The following GPAT3 variants were observed in gnomAD, a reference collection of about 807,000 sequenced individuals.
GPAT3 encodes the protein glycerol-3-phosphate acyltransferase 3.
A neutral mutation model predicts 58.8 loss-of-function variants in GPAT3; 53 were observed. The ratio of observed to expected loss-of-function variants is 0.90; its 90% CI spans 0.72 to 1.13. GPAT3 has a LOEUF of 1.13. Ranked by LOEUF, GPAT3 falls within the 50% of genes most tolerant of loss-of-function variation. The pLI is 0.00. For synonymous variants in GPAT3, 197 were observed against 187.4 expected, an observed-to-expected ratio of 1.05 and a Z score of -0.42; for missense variants, 511 against 527.6, an observed-to-expected ratio of 0.97 and a Z score of 0.31.
At chr4:83,584,786 G>A (rs531487039) in intron 3 of GPAT3, among the ~76,000 whole-genome samples, 3 of 152,330 alleles carry the variant, frequency 2.0e-5, no homozygotes, top group Middle Eastern at 3.4e-3. Flanking sequence ...GATTACAGGC[G>A]TGAGCCAGTG....
At chr4:83,554,725 G>A (rs1471675811) in intron 2 of GPAT3, among the ~76,000 whole-genome samples, 1 of 151,332 alleles carries the variant, frequency 6.6e-6, no homozygotes, top group Admixed American at 6.6e-5. Context: ...AGCTCCTCTG[G>A]TCCATACTTT....
rs73830724 is a variant in GPAT3 at position 83,596,756 on chromosome 4, T to C, written c.855-102T>C. The C allele has an allele frequency of 3.6e-4, 319 of 877,414 alleles. No homozygotes were observed. The African/African-American group carries it at 5.1e-3, about 14-fold the overall frequency. The allele number at this position is 877,414 out of a possible 1,614,324, so 54.4% of individuals were successfully genotyped here. A position where few individuals can be genotyped will look rare whatever the true frequency, so the allele number is the denominator to read the frequency against. ...TACCTGTATCTCAATTATTTTCTCC[T>C]TATTGCTTCACAATTGTGCCAGTAA... On this transcript the variant is annotated intron_variant, in intron 7 of 11. Coordinates refer to ENST00000264409, the MANE Select transcript of GPAT3 (RefSeq NM_032717.5).
At chr4:83,541,738 C>A (rs1329767641) in intron 1 of GPAT3, among the ~76,000 whole-genome samples, 2 of 152,182 alleles carry the variant, frequency 1.3e-5, no homozygotes, top group African/African-American at 2.4e-5. Context: ...GCCTAAACAA[C>A]AGAAATTTAT....
At chr4:83,565,890 G>A (rs1216462191) in intron 2 of GPAT3, among the ~76,000 whole-genome samples, 1 of 152,194 alleles carries the variant, frequency 6.6e-6, no homozygotes, top group African/African-American at 2.4e-5. Context: ...TGAAGAAAAG[G>A]ATTCATCAGT....
chr4:83,535,773 G>A (rs1436290363), upstream of GPAT3: 1 of 985,468 alleles, frequency 1.0e-6, no homozygotes, highest in Non-Finnish European at 1.2e-6. Context: ...CGGCGTACAC[G>A]GCTGCGTGGT....
At chr4:83,560,216 C>G (rs1323695795) in intron 2 of GPAT3, among the ~76,000 whole-genome samples, 1 of 152,134 alleles carries the variant, frequency 6.6e-6, no homozygotes, top group Admixed American at 6.6e-5. Context: ...CCTCAGGGAG[C>G]AAACCAGTAG....
At chr4:83,548,259 C>T (rs1724619893) in intron 2 of GPAT3, among the ~76,000 whole-genome samples, 1 of 151,976 alleles carries the variant, frequency 6.6e-6, no homozygotes, top group Non-Finnish European at 1.5e-5. Context: ...CTCCTTGGAC[C>T]CTGGGACTTG....
intron 1 of GPAT3, among the ~76,000 whole-genome samples, chr4:83,541,880 C>T (rs892782647): frequency 6.6e-6 from 1 of 152,228 alleles, no homozygotes; most frequent in African/African-American, 2.4e-5. Flanking sequence ...TCACGTGGCC[C>T]TTTCTCTCTG....
chr4:83,542,465 A>G (rs542093950), intron 1 of GPAT3, among the ~76,000 whole-genome samples: 11 of 152,168 alleles, frequency 7.2e-5, no homozygotes, highest in Non-Finnish European at 1.6e-4. Context: ...ATTGGCCTCT[A>G]TTTATAGGCT....
intron 1 of GPAT3, among the ~76,000 whole-genome samples, chr4:83,540,536 T>A (rs930868778): frequency 6.6e-6 from 1 of 152,152 alleles, no homozygotes; most frequent in Non-Finnish European, 1.5e-5. Context: ...CTGGACAGTC[T>A]GGAAAAAACT....
chr4:83,536,056 G>A (rs1459359311), upstream of GPAT3: 1 of 985,300 alleles, frequency 1.0e-6, no homozygotes, highest in African/African-American at 1.7e-5. Flanking sequence ...GACGGAGGAG[G>A]TGGGGCGAGG....
intron 2 of GPAT3, among the ~76,000 whole-genome samples, chr4:83,567,785 CA>C (rs1011281959): frequency 2.6e-5 from 4 of 151,892 alleles, no homozygotes; most frequent in Non-Finnish European, 5.9e-5. Context: ...ACAACAACAA[CA>C]AAAAAAGCCT....
chr4:83,602,406 AAAAG>A (rs1727087699), intron 11 of GPAT3, among the ~76,000 whole-genome samples: 1 of 152,256 alleles, frequency 6.6e-6, no homozygotes. Flanking sequence ...CCTCTTAAAA[AAAAG>A]AAAGTGGCCT....
intron 2 of GPAT3, among the ~76,000 whole-genome samples, chr4:83,577,039 C>G (rs1276582132): frequency 6.6e-6 from 1 of 152,196 alleles, no homozygotes; most frequent in Admixed American, 6.5e-5. Flanking sequence ...GTCATGACAA[C>G]TGTCTCCTGA....
At chr4:83,541,393 C>CAT in intron 1 of GPAT3, among the ~76,000 whole-genome samples, 1 of 113,712 alleles carries the variant, frequency 8.8e-6, no homozygotes. Flanking sequence ...AATTTAAAAC[C>CAT]TTTTTTTTTT....
chr4:83,592,889 C>T (rs1236715957), intron 6 of GPAT3, among the ~76,000 whole-genome samples: 1 of 151,920 alleles, frequency 6.6e-6, no homozygotes, highest in East Asian at 1.9e-4. Flanking sequence ...TTTTTTGAGA[C>T]AGCACCTCAC....
chr4:83,580,912 T>G (rs1156461524), intron 2 of GPAT3, among the ~76,000 whole-genome samples: 4 of 151,856 alleles, frequency 2.6e-5, no homozygotes, highest in African/African-American at 9.7e-5. Flanking sequence ...CTGGCTAACA[T>G]GGTGAAACCC....
At chr4:83,558,217 A>G (rs1371405951) in intron 2 of GPAT3, among the ~76,000 whole-genome samples, 1 of 151,960 alleles carries the variant, frequency 6.6e-6, no homozygotes, top group Admixed American at 6.5e-5. Context: ...CTGTCTTAAA[A>G]AAAAAAAAGA....
chr4:83,593,565 C>T (rs935586911), intron 6 of GPAT3, among the ~76,000 whole-genome samples: 5 of 152,078 alleles, frequency 3.3e-5, no homozygotes, highest in Non-Finnish European at 5.9e-5. Context: ...TTGTATCTCC[C>T]ATTTTCATAA....
Sources: allele counts gnomAD v4.1 joint callset (sites outside exome capture counted in the v4.1 genomes callset), GRCh38; gene constraint gnomAD v4.1.1; transcripts MANE v1.5; gene names NCBI Gene and HGNC (gene_info 2026-07-23, HGNC 2026-07-21).